CDK15: variants seen among roughly 807,000 people sequenced by gnomAD.
CDK15 encodes the protein cyclin-dependent kinase 15.
Under a neutral mutation model 60.3 loss-of-function variants are expected in CDK15, and 62 were observed. The observed-to-expected ratio is 1.03, with a 90% confidence interval of 0.84 to 1.27. The LOEUF is 1.27. CDK15 is among the 50% of genes most tolerant of loss of function. CDK15 has a pLI of 0.00. For synonymous variants in CDK15, 194 were observed against 195.7 expected (o/e 0.99, Z 0.07); for missense variants, 541 against 527.8 (o/e 1.03, Z -0.25).
chr2:201,828,731 A>G (rs756191174), intron 6 of CDK15, among the ~76,000 whole-genome samples: 44 of 152,200 alleles, frequency 2.9e-4, no homozygotes, highest in Non-Finnish European at 5.0e-4. Context: ...TGCCCATCCC[A>G]GGCAAGCCAC....
intron 12 of CDK15, chr2:201,888,844 G>A (rs1034966040): frequency 1.2e-5 from 13 of 1,072,756 alleles, no homozygotes; most frequent in Non-Finnish European, 1.4e-5. Flanking sequence ...CCCGAGAGAA[G>A]TTCCCCAAAT....
chr2:201,838,387 G>A (rs906234405), intron 8 of CDK15, among the ~76,000 whole-genome samples: 2 of 152,078 alleles, frequency 1.3e-5, no homozygotes, highest in Admixed American at 6.6e-5. Flanking sequence ...TCAAGATTAA[G>A]AAAGCCGATG....
chr2:201,860,020 C>T (rs1362212725), intron 10 of CDK15, among the ~76,000 whole-genome samples: 4 of 152,144 alleles, frequency 2.6e-5, no homozygotes, highest in Non-Finnish European at 5.9e-5. Context: ...TTTTTCTTGC[C>T]TACATGATTG....
chr2:201,888,410 C>T, intron 12 of CDK15: 1 of 1,528,326 alleles, frequency 6.5e-7, no homozygotes, highest in Non-Finnish European at 8.7e-7. Flanking sequence ...ACTGAATTTC[C>T]CTTCTCAAAA....
chr2:201,834,092 G>A (rs1173892887), intron 7 of CDK15, 121 bp downstream of exon 7: 3 of 1,216,020 alleles, frequency 2.5e-6, no homozygotes, highest in South Asian at 1.9e-5. Context: ...GATGCTTTGT[G>A]AGGATATCAA....
intron 6 of CDK15, among the ~76,000 whole-genome samples, chr2:201,833,008 A>G (rs1054490307): frequency 6.6e-6 from 1 of 151,742 alleles, no homozygotes; most frequent in Non-Finnish European, 1.5e-5. Context: ...TTGGAATACT[A>G]AGCATTCTTT....
intron 1 of CDK15, 105 bp downstream of exon 1, chr2:201,806,892 C>A: frequency 1.6e-6 from 2 of 1,266,234 alleles, no homozygotes; most frequent in Non-Finnish European, 2.1e-6. Flanking sequence ...AGGTCTAAAC[C>A]AATAAAATGA....
chr2:201,831,300 G>A (rs6735557), intron 6 of CDK15, among the ~76,000 whole-genome samples: 5,058 of 152,206 alleles, frequency 0.033, 86 homozygotes, highest in African/African-American at 0.046. Context: ...GTAACTCCTG[G>A]CCCAGATGGC....
chr2:201,886,373 T>C (rs1167213320), intron 12 of CDK15, among the ~76,000 whole-genome samples: 4 of 151,796 alleles, frequency 2.6e-5, no homozygotes, highest in Non-Finnish European at 5.9e-5. Context: ...TCGCCCAGGC[T>C]GGAGCGCAAT....
chr2:201,888,422 AT>A (rs1180073523), intron 12 of CDK15: 3 of 1,529,420 alleles, frequency 2.0e-6, no homozygotes, highest in Non-Finnish European at 2.6e-6. Flanking sequence ...TTCTCAAAAA[AT>A]TTTTAAACAC....
rs941435602 is a variant in CDK15 at position 201,853,989 on chromosome 2, G to A, written c.946-885G>A. On this transcript the variant is annotated intron_variant, in intron 9 of 13. Coordinates refer to ENST00000652192, the MANE Select transcript of CDK15 (RefSeq NM_001366386.2). ...ATCCTGGCCAACACGGTGAAACCCC[G>A]TCTCTACTAAAAATACAACAACAAC... is the stretch of plus-strand genomic sequence containing the variant. Among the ~76,000 whole-genome samples, 14 of 152,026 alleles carry A rather than the reference G, an allele frequency of 9.2e-5. No homozygotes were observed. The South Asian group carries it at 1.0e-3, about 11-fold the overall frequency.
In CDK15 at chr2:201,882,719, G is replaced by C. The variant is rs548338809; in HGVS notation, c.1198+2552G>C. Among the ~76,000 whole-genome samples the C allele has an allele frequency of 5.2e-4, 79 of 151,620 alleles. No homozygotes were observed. The highest frequency in any genetic ancestry group is 1.9e-3 in the African/African-American group (79 of 41,340). On this transcript the variant is annotated intron_variant, in intron 12 of 13. Transcript: ENST00000652192. This position sits in a 1 kb window ranked among gnomAD's most constrained non-coding sequence, Gnocchi z 4.0. ...TGTGTATGTGTGTGACAGGGTGGTG[G>C]GTGTGCAGAAATATGTATATAGACA... is the stretch of plus-strand genomic sequence containing the variant.
chr2:201,833,210 GA>G (rs1277000674), intron 6 of CDK15, among the ~76,000 whole-genome samples: 3 of 81,822 alleles, frequency 3.7e-5, no homozygotes, highest in Non-Finnish European at 8.8e-5. Context: ...GATTTTTTTT[GA>G]GGGGGGGGGT....
At chr2:201,813,776 AC>A (rs1695874641) in intron 4 of CDK15, among the ~76,000 whole-genome samples, 1 of 152,206 alleles carries the variant, frequency 6.6e-6, no homozygotes, top group African/African-American at 2.4e-5. Context: ...TGAATTTGAT[AC>A]CCTTTTCAAA....
At chr2:201,880,226 A>C in intron 12 of CDK15, 59 bp downstream of exon 12, 1 of 1,584,584 alleles carries the variant, frequency 6.3e-7, no homozygotes, top group Non-Finnish European at 8.6e-7. Context: ...GTGTGTGTGT[A>C]AGTCTTGGTG....
At chr2:201,879,958 G>C in intron 11 of CDK15, 70 bp from the exon 12 acceptor site, 1 of 1,558,422 alleles carries the variant, frequency 6.4e-7, no homozygotes, top group Non-Finnish European at 8.7e-7. Context: ...TTTACTTTTT[G>C]TTTTTATCCC....
At chr2:201,886,025 C>T (rs1016355084) in intron 12 of CDK15, among the ~76,000 whole-genome samples, 22 of 152,164 alleles carry the variant, frequency 1.4e-4, no homozygotes, top group Admixed American at 5.9e-4. Context: ...ATTCATTGTT[C>T]TTGCTAAAGA....
chr2:201,806,557 A>G lies in CDK15; in HGVS notation c.-108A>G. 7 of 1,306,896 alleles carry G rather than the reference A, an allele frequency of 5.4e-6. No homozygotes were observed. The highest frequency in any genetic ancestry group is 7.1e-6 in the Non-Finnish European group (7 of 991,662). The allele number at this position is 1,306,896 out of a possible 1,614,324, so 81.0% of individuals were successfully genotyped here. A position where few individuals can be genotyped will look rare whatever the true frequency, so the allele number is the denominator to read the frequency against. On this transcript the variant is annotated 5_prime_UTR_variant, in exon 1 of 14. The change creates a new upstream start codon in the 5' untranslated region. Coordinates refer to ENST00000652192, the MANE Select transcript of CDK15 (RefSeq NM_001366386.2). Reference sequence around the variant, plus strand: ...CAGGCAGAGCCATCATGTGAGTCATATGAAAGCTCCACGCTGCTGACCTCT... The same window carrying G: ...CAGGCAGAGCCATCATGTGAGTCATGTGAAAGCTCCACGCTGCTGACCTCT...
chr2:201,842,246 C>T (rs780376954), intron 8 of CDK15, among the ~76,000 whole-genome samples: 12 of 152,172 alleles, frequency 7.9e-5, no homozygotes, highest in African/African-American at 1.2e-4. Flanking sequence ...TCCTACAATA[C>T]CTCTTCTGTG....
Sources: allele counts gnomAD v4.1 joint callset (sites outside exome capture counted in the v4.1 genomes callset), GRCh38; gene constraint gnomAD v4.1.1; non-coding constraint Gnocchi (gnomAD v3.1); transcripts MANE v1.5; gene names NCBI Gene and HGNC (gene_info 2026-07-23, HGNC 2026-07-21).